Variants in CCSER1 observed in about 807,000 individuals in gnomAD.
CCSER1 encodes coiled-coil serine rich protein 1.
In CCSER1, 41 loss-of-function variants were observed where a neutral mutation model predicts 82.0. That is an observed-to-expected ratio of 0.50 (90% CI 0.39 to 0.65). The LOEUF (loss-of-function observed/expected upper bound fraction) is 0.65. Among genes scored for constraint, CCSER1 ranks in the 30% least tolerant of loss-of-function variants. CCSER1 has a pLI of 0.00. For missense variants in CCSER1, 1,119 were observed against 1,064.2 expected, an observed-to-expected ratio of 1.05 and a Z score of -0.72; for synonymous variants, 414 against 383.9, an observed-to-expected ratio of 1.08 and a Z score of -0.92.
rs949685982 is a variant in CCSER1, at chr4:90,255,009, A to G, written c.-41-53235A>G. Among the ~76,000 whole-genome samples the G allele has an allele frequency of 3.1e-4, 46 of 150,472 alleles. 1 individual carries two copies. Among genetic ancestry groups the G allele is most frequent in the Non-Finnish European group, 1.3e-4 (9 of 67,720 alleles). On this transcript the variant is annotated intron_variant, in intron 1 of 10. Coordinates refer to ENST00000509176, the MANE Select transcript of CCSER1 (RefSeq NM_001145065.2). ...CACACACACACACACACACACACAC[A>G]CGCACACTTTATGAACATATTGATT...
intron 10 of CCSER1, among the ~76,000 whole-genome samples, chr4:91,388,847 T>C (rs555880380): frequency 3.0e-4 from 46 of 152,186 alleles, no homozygotes; most frequent in Admixed American, 2.6e-3. Context: ...TGTTTCTCCA[T>C]ATAAACTTTA....
intron 10 of CCSER1, among the ~76,000 whole-genome samples, chr4:91,474,362 TTG>T (rs985520863): frequency 6.6e-6 from 1 of 151,944 alleles, no homozygotes; most frequent in African/African-American, 2.4e-5. Context: ...ATTTCTTATA[TTG>T]TGTTACAATT....
intron 6 of CCSER1, among the ~76,000 whole-genome samples, chr4:90,708,807 G>T (rs1401838670): frequency 6.6e-6 from 1 of 151,992 alleles, no homozygotes; most frequent in East Asian, 1.9e-4. Flanking sequence ...AAAAGTTAAC[G>T]AATTGGTAAA....
In CCSER1 at chr4:90,886,216, C is replaced by T. The variant is rs117740766; in HGVS notation, c.2095-37154C>T. 5.6e-4 allele frequency among the ~76,000 whole-genome samples: 86 copies of T among 152,278 alleles called. 1 individual carries two copies. In the East Asian group the frequency reaches 0.016, roughly 29 times the overall value. On this transcript the variant is annotated intron_variant, in intron 8 of 10. Coordinates refer to ENST00000509176, the MANE Select transcript of CCSER1 (RefSeq NM_001145065.2). ...CTCCTTGAGAAAATTATGAACTAGA[C>T]AAAAATAACTCATGGTACCTCCCAA...
chr4:91,336,160 T>C (rs2149281967), intron 10 of CCSER1, among the ~76,000 whole-genome samples: 1 of 152,232 alleles, frequency 6.6e-6, no homozygotes, highest in South Asian at 2.1e-4. Context: ...CTGTTGTTGA[T>C]AAGAGAATCT....
intron 9 of CCSER1, among the ~76,000 whole-genome samples, chr4:91,047,001 T>C (rs894467325): frequency 2.0e-5 from 3 of 152,068 alleles, no homozygotes; most frequent in African/African-American, 7.2e-5. Flanking sequence ...CAGGGTGATA[T>C]GTTTTTAACT....
intron 1 of CCSER1, among the ~76,000 whole-genome samples, chr4:90,176,734 C>T (rs138056758): frequency 0.029 from 4,475 of 152,030 alleles, 106 homozygotes; most frequent in South Asian, 0.061. Context: ...AACTTCAGAA[C>T]GAGGAGCATT....
At position 91,369,852 on chromosome 4, in the gene CCSER1, A is replaced by AT. The variant is rs1211397873; in HGVS notation, c.2218-228711dup. Among the ~76,000 whole-genome samples the AT allele has an allele frequency of 1.2e-4, 17 of 138,884 alleles. 1 individual carries two copies. The highest frequency in any genetic ancestry group is 2.4e-4 in the African/African-American group (9 of 37,782). The allele number at this position is 138,884 out of a possible 152,430, so 91.1% of individuals were successfully genotyped here. ...GCCTAGCTAATTTTTTTTTTTTTGT[A>AT]TTTTTTTTTAGGAGAGACGGGGTTT... On this transcript the variant is annotated intron_variant, in intron 10 of 10. Coordinates refer to ENST00000509176, the MANE Select transcript of CCSER1 (RefSeq NM_001145065.2).
At chr4:91,017,608 G>A (rs1739548376) in intron 9 of CCSER1, among the ~76,000 whole-genome samples, 1 of 152,006 alleles carries the variant, frequency 6.6e-6, no homozygotes, top group Non-Finnish European at 1.5e-5. Context: ...CTTACCTACA[G>A]GGCTAAATGA....
intron 3 of CCSER1, among the ~76,000 whole-genome samples, chr4:90,387,039 A>C (rs1422933257): frequency 6.6e-6 from 1 of 152,180 alleles, no homozygotes; most frequent in Non-Finnish European, 1.5e-5. Flanking sequence ...GTAAGCCCTC[A>C]TAAGAGTTAA....
intron 10 of CCSER1, among the ~76,000 whole-genome samples, chr4:91,427,292 T>TG (rs1034518724): frequency 6.6e-6 from 1 of 152,164 alleles, no homozygotes; most frequent in African/African-American, 2.4e-5. Context: ...CCCATCCTGC[T>TG]GTCTTATCCT....
At chr4:91,102,188 A>G (rs1405651523) in intron 10 of CCSER1, among the ~76,000 whole-genome samples, 1 of 152,216 alleles carries the variant, frequency 6.6e-6, no homozygotes, top group Non-Finnish European at 1.5e-5. Flanking sequence ...GAACAAAGCT[A>G]GGTATGTTAG....
chr4:91,173,402 G>T (rs1297883756), intron 10 of CCSER1, among the ~76,000 whole-genome samples: 1 of 152,060 alleles, frequency 6.6e-6, no homozygotes, highest in African/African-American at 2.4e-5. Flanking sequence ...AGACCATCTT[G>T]GCTAACACGG....
At chr4:91,202,960 A>G in intron 10 of CCSER1, among the ~76,000 whole-genome samples, 1 of 151,520 alleles carries the variant, frequency 6.6e-6, no homozygotes, top group Non-Finnish European at 1.5e-5. Context: ...TTGTTGTTAA[A>G]GAATATCTTA....
intron 10 of CCSER1, among the ~76,000 whole-genome samples, chr4:91,378,863 T>C (rs1396521454): frequency 6.6e-6 from 1 of 152,184 alleles, no homozygotes. Context: ...TTTTTGCCCA[T>C]TCAGTATGAT....
intron 3 of CCSER1, among the ~76,000 whole-genome samples, chr4:90,373,550 A>G (rs541658829): frequency 1.2e-4 from 19 of 152,292 alleles, no homozygotes; most frequent in African/African-American, 4.3e-4. Context: ...ACATCACTCC[A>G]TTATTTTTCA....
chr4:91,107,310 A>T (rs1425893132), intron 10 of CCSER1, among the ~76,000 whole-genome samples: 1 of 152,154 alleles, frequency 6.6e-6, no homozygotes, highest in African/African-American at 2.4e-5. Context: ...GCTGGAGTGC[A>T]GTGGCGTGAT....
chr4:90,572,803 T>G (rs2148580794), intron 5 of CCSER1, among the ~76,000 whole-genome samples: 1 of 152,338 alleles, frequency 6.6e-6, no homozygotes, highest in African/African-American at 2.4e-5. Context: ...TTGAATTTTG[T>G]CAGGCAGTTT....
rs536282598 is a variant in CCSER1 at position 90,435,186 on chromosome 4, G to C, written c.1604-33048G>C. On this transcript the variant is annotated intron_variant, in intron 4 of 10. Transcript: ENST00000509176. Reference sequence around the variant, plus strand: ...CAAGGAAAATAATAAATATATATGCGTGAAGAATAGGAAGAAAGCTAAATG... The same window carrying C: ...CAAGGAAAATAATAAATATATATGCCTGAAGAATAGGAAGAAAGCTAAATG... 2.6e-5 allele frequency among the ~76,000 whole-genome samples: 4 copies of C among 152,196 alleles called. No individual in the cohort carries two copies. In the South Asian group the frequency reaches 8.3e-4, roughly 32 times the overall value.
Sources: allele counts gnomAD v4.1 joint callset (sites outside exome capture counted in the v4.1 genomes callset), GRCh38; gene constraint gnomAD v4.1.1; transcripts MANE v1.5; gene names NCBI Gene and HGNC (gene_info 2026-07-23, HGNC 2026-07-21).